The following EPB41L5 variants were observed in gnomAD, a reference collection of about 807,000 sequenced individuals.
The protein encoded by EPB41L5 is band 4.1-like protein 5.
Under a neutral mutation model 106.6 loss-of-function variants are expected in EPB41L5, and 55 were observed. The ratio of observed to expected loss-of-function variants is 0.52; its 90% CI spans 0.42 to 0.65. The LOEUF (loss-of-function observed/expected upper bound fraction) is 0.65, where lower values mean the gene tolerates loss of function less well. EPB41L5 is among the 30% of genes least tolerant of loss of function. The probability of loss-of-function intolerance (pLI) is 0.00; values close to 1 mark genes in which losing one functional copy is unlikely to be tolerated. For missense variants in EPB41L5, 871 were observed against 882.1 expected (o/e 0.99, Z 0.16); for synonymous variants, 297 against 306.7 (o/e 0.97, Z 0.33).
At chr2:120,138,686 G>A (rs918680680) in intron 18 of EPB41L5, among the ~76,000 whole-genome samples, 4 of 151,912 alleles carry the variant, frequency 2.6e-5, no homozygotes, top group Non-Finnish European at 5.9e-5. Flanking sequence ...TATCGAAGAG[G>A]ACACAAAATT....
intron 3 of EPB41L5, among the ~76,000 whole-genome samples, chr2:120,047,401 G>A (rs2105230651): frequency 6.6e-6 from 1 of 151,922 alleles, no homozygotes; most frequent in South Asian, 2.1e-4. Flanking sequence ...GGATTCCTAG[G>A]TATTTTATTC....
Position 120,127,740 on chromosome 2 carries a change from A to T in EPB41L5, c.1390A>T (p.Ile464Phe). 1.2e-6 allele frequency: 2 copies of T among 1,613,754 alleles called. No homozygotes were observed. Among genetic ancestry groups the T allele is most frequent in the Non-Finnish European group, 1.7e-6 (2 of 1,179,740 alleles). Residue 464 changes from isoleucine (I) to phenylalanine (F), a missense_variant, in exon 17 of 25, where the codon ATT (isoleucine) becomes TTT (phenylalanine). Transcript: ENST00000263713. The stretch of plus-strand genomic sequence containing the variant: ...TAGCCCAGACTTATTGGAAGCAACG[A>T]TTGGTGATGTAATTGGGGCATCTGA... ...LNSPDLLEATIGDVIGASDTM... is the reference protein window; with the variant it reads ...LNSPDLLEATFGDVIGASDTM...
intron 17 of EPB41L5, 129 bp downstream of exon 17, chr2:120,127,980 T>C: frequency 1.3e-6 from 1 of 764,178 alleles, no homozygotes; most frequent in Non-Finnish European, 1.9e-6. Context: ...AGAAGAGTTA[T>C]GCCCTCTTGC....
chr2:120,153,119 T>C (rs1367750663), intron 20 of EPB41L5, among the ~76,000 whole-genome samples: 1 of 152,184 alleles, frequency 6.6e-6, no homozygotes, highest in Admixed American at 6.5e-5. Context: ...GATCTTATTT[T>C]TAAATGTAGG....
intron 16 of EPB41L5, among the ~76,000 whole-genome samples, chr2:120,109,013 A>T (rs72841625): frequency 0.046 from 6,964 of 152,326 alleles, 227 homozygotes; most frequent in Non-Finnish European, 0.071. Flanking sequence ...GAAAGATTTC[A>T]GGAGTCTTGT....
At chr2:120,077,683 T>C (rs1013520063) in intron 9 of EPB41L5, among the ~76,000 whole-genome samples, 1 of 148,040 alleles carries the variant, frequency 6.8e-6, no homozygotes, top group Non-Finnish European at 1.5e-5. Flanking sequence ...TAATTCAGGA[T>C]GCAAAGTTGA....
At chr2:120,028,188 G>C (rs142027739) in intron 2 of EPB41L5, among the ~76,000 whole-genome samples, 11 of 150,550 alleles carry the variant, frequency 7.3e-5, no homozygotes, top group Admixed American at 6.6e-4. Context: ...TTTTTAAAAA[G>C]AATGCATTGA....
rs192862773 is a variant in EPB41L5, at chr2:120,057,638, T to C, written c.285+15528T>C. On this transcript the variant is annotated intron_variant, in intron 3 of 24. Transcript: ENST00000263713. ...ACGCCGTCAAACATTTATAATCTCT[T>C]TTTTTTTTTTTGCTGTTGGTACAAC... is the stretch of plus-strand genomic sequence containing the variant. Among the ~76,000 whole-genome samples, 737 of 143,168 alleles carry C rather than the reference T, an allele frequency of 5.1e-3. 1 individual carries two copies. The highest frequency in any genetic ancestry group is 8.0e-3 in the Non-Finnish European group (527 of 65,938). 93.9% of individuals were successfully genotyped at this position (143,168 alleles called of 152,430 possible).
chr2:120,156,398 T>TC (rs1052008346), intron 20 of EPB41L5, among the ~76,000 whole-genome samples: 1 of 152,120 alleles, frequency 6.6e-6, no homozygotes, highest in Non-Finnish European at 1.5e-5. Flanking sequence ...CACTTCAGCT[T>TC]CCCCCTGGGG....
At chr2:120,024,820 A>G (rs906197148) in intron 2 of EPB41L5, among the ~76,000 whole-genome samples, 13 of 152,110 alleles carry the variant, frequency 8.5e-5, no homozygotes, top group Non-Finnish European at 1.5e-4. Flanking sequence ...TGATTTGTGC[A>G]TGTTGAACCA....
At chr2:120,069,660 AACTC>A (rs2105308015) in intron 3 of EPB41L5, among the ~76,000 whole-genome samples, 1 of 152,308 alleles carries the variant, frequency 6.6e-6, no homozygotes, top group East Asian at 1.9e-4. Flanking sequence ...AGGATTAAAA[AACTC>A]ACTCAGAATA....
intron 6 of EPB41L5, 53 bp downstream of exon 6, chr2:120,075,573 A>G: frequency 6.9e-7 from 1 of 1,443,502 alleles, no homozygotes; most frequent in South Asian, 1.2e-5. Flanking sequence ...TGGTTGAAAA[A>G]TTATTTTGAA....
chr2:120,036,387 C>A (rs987136073), intron 2 of EPB41L5, among the ~76,000 whole-genome samples: 1 of 152,124 alleles, frequency 6.6e-6, no homozygotes, highest in Non-Finnish European at 1.5e-5. Flanking sequence ...TTCTATTCCC[C>A]CAGGGGTTTC....
intron 14 of EPB41L5, among the ~76,000 whole-genome samples, chr2:120,095,931 A>G (rs1399671408): frequency 6.6e-6 from 1 of 152,054 alleles, no homozygotes; most frequent in Non-Finnish European, 1.5e-5. Context: ...CGGCCTCCCA[A>G]AGTGCTAGGA....
rs188636008 is a variant in EPB41L5, at chr2:120,167,133, C to T, written c.1963-333C>T. Reference sequence around the variant, plus strand: ...ATTTGTAATTAATTAACTGAAATTTCAGAAAATAAAATGTTAAACTGAATA... The same window carrying T: ...ATTTGTAATTAATTAACTGAAATTTTAGAAAATAAAATGTTAAACTGAATA... On this transcript the variant is annotated intron_variant, in intron 22 of 24. Coordinates refer to ENST00000263713, the MANE Select transcript of EPB41L5 (RefSeq NM_020909.4). Among the ~76,000 whole-genome samples, 24 of 152,256 alleles carry T rather than the reference C, an allele frequency of 1.6e-4. No individual in the cohort carries two copies. In the East Asian group the frequency reaches 3.5e-3, roughly 22 times the overall value.
rs527601501 is a variant in EPB41L5 at position 120,049,982 on chromosome 2, A to G, written c.285+7872A>G. On this transcript the variant is annotated intron_variant, in intron 3 of 24. Transcript: ENST00000263713. ...AAAATTCTTTTCTTTAAGAATGTTG[A>G]ATATTGGCCCCCACTGTCTTCTGGC... Among the ~76,000 whole-genome samples the G allele has an allele frequency of 7.9e-5, 12 of 152,130 alleles. 1 individual carries two copies. The highest frequency in any genetic ancestry group is 4.1e-4 in the South Asian group (2 of 4,830).
chr2:120,036,870 TAAG>T (rs1480891578), intron 2 of EPB41L5, among the ~76,000 whole-genome samples: 1 of 151,976 alleles, frequency 6.6e-6, no homozygotes, highest in Admixed American at 6.6e-5. Flanking sequence ...AAATAAAAAT[TAAG>T]AAATAAATGA....
intron 20 of EPB41L5, among the ~76,000 whole-genome samples, chr2:120,159,203 T>A (rs1687028084): frequency 6.7e-6 from 1 of 149,146 alleles, no homozygotes; most frequent in Non-Finnish European, 1.5e-5. Context: ...GGCGGGTGGA[T>A]CACGAGGTCA....
intron 10 of EPB41L5, among the ~76,000 whole-genome samples, chr2:120,082,368 G>C (rs1213242063): frequency 6.6e-6 from 1 of 151,140 alleles, no homozygotes; most frequent in African/African-American, 2.4e-5. Flanking sequence ...TGAGATAATC[G>C]TGGTTTTTGT....
Sources: allele counts gnomAD v4.1 joint callset (sites outside exome capture counted in the v4.1 genomes callset), GRCh38; gene constraint gnomAD v4.1.1; transcripts MANE v1.5; gene names NCBI Gene and HGNC (gene_info 2026-07-23, HGNC 2026-07-21).